NDRG4: variants seen among roughly 807,000 people sequenced by gnomAD.
The protein encoded by NDRG4 is protein NDRG4.
NDRG4 carries 38 observed loss-of-function variants against 55.8 expected under a neutral mutation model. The ratio of observed to expected loss-of-function variants is 0.68; its 90% CI spans 0.53 to 0.89. The LOEUF (loss-of-function observed/expected upper bound fraction) is 0.89, where lower values mean the gene tolerates loss of function less well. NDRG4 is among the 40% of genes least tolerant of loss of function. The pLI is 0.00. For missense variants in NDRG4, 455 were observed against 468.6 expected (o/e 0.97, Z 0.27); for synonymous variants, 190 against 182.7 (o/e 1.04, Z -0.32).
intron 3 of NDRG4, chr16:58,495,042 C>A (rs1018363083): frequency 1.2e-6 from 2 of 1,609,364 alleles, no homozygotes; most frequent in Admixed American, 1.7e-5. Flanking sequence ...AGATGTGGGA[C>A]TGACAGCTGG....
Position 58,464,587 on chromosome 16 carries a change from A to AGTCCTAGTTG in NDRG4, c.-24+799_-24+800insGGTCCTAGTT. 1 of 1,017,512 alleles carries AGTCCTAGTTG rather than the reference A, an allele frequency of 9.8e-7. No homozygotes were observed. Among genetic ancestry groups the AGTCCTAGTTG allele is most frequent in the Non-Finnish European group, 1.3e-6 (1 of 776,244 alleles). The allele number at this position is 1,017,512 out of a possible 1,614,324, so 63.0% of individuals were successfully genotyped here. On this transcript the variant is annotated intron_variant, in intron 1 of 15. Transcript: ENST00000258187. The surrounding 1 kb of genome is among the most constrained non-coding windows in gnomAD (Gnocchi z 4.8). ...CAGGAAGGGGTGCGGACCCCAACTAAGTCCTAGTTTTGTGCTACCTGTTTG... is the reference window on the plus strand; with the variant it reads ...CAGGAAGGGGTGCGGACCCCAACTAAGTCCTAGTTGGTCCTAGTTTTGTGCTACCTGTTTG...
At chr16:58,481,196 G>A (rs151326285) in intron 1 of NDRG4, among the ~76,000 whole-genome samples, 392 of 152,230 alleles carry the variant, frequency 2.6e-3, no homozygotes, top group South Asian at 0.011. Context: ...CCTCCATGAG[G>A]AGTTAGGAGG....
chr16:58,483,725 A>T (rs919747840), intron 1 of NDRG4, among the ~76,000 whole-genome samples: 2 of 152,254 alleles, frequency 1.3e-5, no homozygotes, highest in Non-Finnish European at 2.9e-5. Context: ...CTGATCACCT[A>T]TGTGATTTTT....
At chr16:58,492,532 GTGTGTGTGTGTGTGTGTGT>G (rs2035914086) in intron 2 of NDRG4, among the ~76,000 whole-genome samples, 1 of 141,382 alleles carries the variant, frequency 7.1e-6, no homozygotes, top group Non-Finnish European at 1.5e-5. Flanking sequence ...GTGTGTGTGT[GTGTGTGTGTGTGTGTGTGT>G]GAGAGACAGA....
chr16:58,479,232 C>T (rs190368991), intron 1 of NDRG4, among the ~76,000 whole-genome samples: 46 of 152,152 alleles, frequency 3.0e-4, no homozygotes, highest in African/African-American at 1.1e-3. Flanking sequence ...TGGTGACATG[C>T]CTTTTTTTCT....
At chr16:58,511,020 G>A (rs2038734447) in intron 14 of NDRG4, 3 of 486,476 alleles carry the variant, frequency 6.2e-6, no homozygotes, top group African/African-American at 3.8e-5. Context: ...GGTAGAGTTT[G>A]CTGCCCGCAA....
At chr16:58,506,668 G>C (rs1366196013) in intron 7 of NDRG4, 54 bp downstream of exon 7, 3 of 1,536,162 alleles carry the variant, frequency 2.0e-6, no homozygotes, top group South Asian at 1.2e-5. Context: ...GCCCCTCCCA[G>C]CTGGCTCGGT....
Position 58,513,210 on chromosome 16 carries a change from C to A in NDRG4, c.*1634C>A, listed in dbSNP as rs574496437. 6.8e-6 allele frequency: 1 copy of A among 147,680 alleles called. No homozygotes were observed. Among genetic ancestry groups the A allele is most frequent in the Non-Finnish European group, 1.5e-5 (1 of 67,318 alleles). The allele number at this position is 147,680 out of a possible 1,614,324, so 9.1% of individuals were successfully genotyped here. A position where few individuals can be genotyped will look rare whatever the true frequency, so the allele number is the denominator to read the frequency against. Reference sequence around the variant, plus strand: ...TGTGTGTGTGTGTACATCGGGTCCTCCCATGTGTGGTGTTCTTCTGGAGGT... The same window carrying A: ...TGTGTGTGTGTGTACATCGGGTCCTACCATGTGTGGTGTTCTTCTGGAGGT... On this transcript the variant is annotated 3_prime_UTR_variant, in exon 15 of 15. Transcript: ENST00000570248.
chr16:58,511,818 CTCCCGGCGG>C lies in NDRG4; in HGVS notation c.*243_*251del. The C allele has an allele frequency of 3.5e-6, 2 of 570,516 alleles. No homozygotes were observed. Among genetic ancestry groups the C allele is most frequent in the Non-Finnish European group, 6.5e-6 (2 of 310,000 alleles). 35.3% of individuals were successfully genotyped at this position (570,516 alleles called of 1,614,324 possible). On this transcript the variant is annotated 3_prime_UTR_variant, in exon 15 of 15. Transcript: ENST00000570248. ...AGCCAACTTGACCCCTCTCATCCCA[CTCCCGGCGG>C]CCCAGGCACAGAAGGGCAGGGCCAT...
At chr16:58,473,255 G>A (rs1479395057) in intron 1 of NDRG4, among the ~76,000 whole-genome samples, 2 of 152,056 alleles carry the variant, frequency 1.3e-5, no homozygotes, top group Non-Finnish European at 2.9e-5. Context: ...GACCTCCTGG[G>A]CTCAAGCGAT....
In NDRG4 at chr16:58,506,621, G is replaced by C. The variant is rs111352265; in HGVS notation, c.516+7G>C. On this transcript the variant is annotated splice_region_variant and intron_variant, in intron 7 of 14. Coordinates refer to ENST00000570248, the MANE Select transcript of NDRG4 (RefSeq NM_001242835.2). ...CTCCCACCTCTTCAGCCAGGTAAGG[G>C]GGGGAACTTCTGCAGATCTGGGGTG... 3.5e-4 allele frequency: 541 copies of C among 1,552,362 alleles called. 2 individuals carry two copies. The African/African-American group carries it at 6.4e-3, about 18-fold the overall frequency.
At chr16:58,472,162 G>A (rs1026104507) in intron 1 of NDRG4, 4 of 152,194 alleles carry the variant, frequency 2.6e-5, no homozygotes, top group African/African-American at 9.7e-5. Flanking sequence ...ATCCATAAAG[G>A]AAGTGCACTC....
At position 58,503,882 on chromosome 16, in the gene NDRG4, T is replaced by C. The variant is rs1237236806; in HGVS notation, c.106T>C (p.Tyr36His). Reference sequence around the variant, plus strand: ...GGGGAACCGCCCAGCCATCCTCACCTACCATGATGTGGGCCTCAACCGTAA... The same window carrying C: ...GGGGAACCGCCCAGCCATCCTCACCCACCATGATGTGGGCCTCAACCGTAA... ...PKGNRPAILT[Y>H]HDVGLNHKLC... The change falls in exon 2 of 15, where the codon TAC becomes CAC. Residue 36 changes from tyrosine (Y) to histidine (H), a missense_variant. Physicochemically the swap from Tyr to His is moderately conservative, Grantham distance 83. Coordinates refer to ENST00000570248, the MANE Select transcript of NDRG4 (RefSeq NM_001242835.2). 1.2e-5 allele frequency: 20 copies of C among 1,613,742 alleles called. No homozygotes were observed. The highest frequency in any genetic ancestry group is 1.7e-5 in the Non-Finnish European group (20 of 1,179,982).
intron 2 of NDRG4, chr16:58,494,909 C>T: frequency 1.3e-6 from 2 of 1,548,978 alleles, no homozygotes; most frequent in Non-Finnish European, 1.8e-6. Flanking sequence ...GCCCCACGGG[C>T]TCCCCAGACC....
chr16:58,486,798 G>T (rs917597567), intron 1 of NDRG4, among the ~76,000 whole-genome samples: 7 of 151,558 alleles, frequency 4.6e-5, no homozygotes, highest in African/African-American at 1.7e-4. Flanking sequence ...AAACCCCTGG[G>T]GTTTCCCAGC....
chr16:58,499,894 G>T, upstream of NDRG4: 1 of 435,084 alleles, frequency 2.3e-6, no homozygotes. Context: ...GTGTGCCTAT[G>T]TGCTGGGGGC....
Position 58,507,817 on chromosome 16 carries a change from C to A in NDRG4, c.630C>A (p.Asp210Glu). ...TCCCCCTGCCCCACAGCCGCAGAGA[C>A]CTGGACATTAACCGGCCTGGAACGG... ...LFWNMYNSRR[D>E]LDINRPGTVP... Residue 210 changes from aspartate to glutamate, a missense_variant, in exon 9 of 15, where the codon GAC (aspartate) becomes GAA (glutamate). Coordinates refer to ENST00000570248, the MANE Select transcript of NDRG4 (RefSeq NM_001242835.2). 6.2e-7 allele frequency: 1 copy of A among 1,613,864 alleles called. No individual in the cohort carries two copies. The highest frequency in any genetic ancestry group is 8.5e-7 in the Non-Finnish European group (1 of 1,179,990).
chr16:58,503,998 A>C (rs1276759250), intron 2 of NDRG4, 95 bp downstream of exon 2: 6 of 1,503,422 alleles, frequency 4.0e-6, no homozygotes, highest in Non-Finnish European at 5.5e-6. Context: ...TGTCAGCCCC[A>C]CTCACACTCA....
intron 1 of NDRG4, among the ~76,000 whole-genome samples, chr16:58,485,303 G>A (rs1169804240): frequency 6.6e-6 from 1 of 152,154 alleles, no homozygotes; most frequent in East Asian, 1.9e-4. Flanking sequence ...TTCATGGGCT[G>A]AGACATTCCC....
Sources: gnomAD v4.1 joint callset for allele counts (sites outside exome capture counted in the v4.1 genomes callset) on GRCh38, gnomAD v4.1.1 for gene constraint, Gnocchi (gnomAD v3.1) non-coding constraint, MANE v1.5 for transcripts, NCBI Gene and HGNC (gene_info 2026-07-23, HGNC 2026-07-21) for gene names.